Variants in WNK3 observed in about 807,000 individuals in gnomAD.
WNK3 encodes WNK lysine deficient protein kinase 3.
Under a neutral mutation model 116.7 loss-of-function variants are expected in WNK3, and 18 were observed. The ratio of observed to expected loss-of-function variants is 0.15; its 90% CI spans 0.11 to 0.23. The LOEUF (loss-of-function observed/expected upper bound fraction) is 0.23. Among genes scored for constraint, WNK3 ranks in the 10% least tolerant of loss-of-function variants. The probability of loss-of-function intolerance (pLI) is 1.00; values close to 1 mark genes in which losing one functional copy is unlikely to be tolerated. For missense variants in WNK3, 993 were observed against 1,323.8 expected, an observed-to-expected ratio of 0.75 and a Z score of 3.88; for synonymous variants, 404 against 469.4, an observed-to-expected ratio of 0.86 and a Z score of 1.80.
intron 21 of WNK3, among the ~76,000 whole-genome samples, chrX:54,232,083 GTGTC>G (rs1330949905): frequency 1.1e-3 from 120 of 104,351 alleles, no homozygotes; most frequent in African/African-American, 4.0e-3. Context: ...GTGTGTGTGT[GTGTC>G]TGTGTATATG....
At chrX:54,346,308 A>G (rs1415629902) in intron 1 of WNK3, among the ~76,000 whole-genome samples, 1 of 97,550 alleles carries the variant, frequency 1.0e-5, no homozygotes, top group Non-Finnish European at 2.1e-5. Flanking sequence ...AAAAAAGAAC[A>G]CAGGCTCGGT....
chrX:54,226,815 G>A (rs1281920481), intron 22 of WNK3, among the ~76,000 whole-genome samples: 5 of 111,991 alleles, frequency 4.5e-5, no homozygotes, highest in Non-Finnish European at 9.4e-5. Flanking sequence ...ACTCCAGCCT[G>A]GGCGACGGAG....
chrX:54,302,731 CTA>C (rs1211893014), intron 5 of WNK3, among the ~76,000 whole-genome samples: 2 of 35,535 alleles, frequency 5.6e-5, no homozygotes, highest in African/African-American at 2.1e-4. Flanking sequence ...CTCTCTCTCT[CTA>C]TATATATATA....
intron 10 of WNK3, among the ~76,000 whole-genome samples, chrX:54,285,442 C>CT (rs2068569454): frequency 8.9e-6 from 1 of 111,958 alleles, no homozygotes; most frequent in African/African-American, 3.2e-5. Flanking sequence ...GCGATTGACT[C>CT]TAACGGGTGT....
At chrX:54,244,760 C>T (rs1421270325) in intron 17 of WNK3, among the ~76,000 whole-genome samples, 3 of 111,296 alleles carry the variant, frequency 2.7e-5, no homozygotes, top group Non-Finnish European at 5.7e-5. Context: ...GATTATTCTC[C>T]TACCTGCTCC....
At chrX:54,216,993 T>C (rs1035372326) in intron 22 of WNK3, among the ~76,000 whole-genome samples, 5 of 111,476 alleles carry the variant, frequency 4.5e-5, no homozygotes, top group African/African-American at 1.3e-4. Context: ...CTGGACAACA[T>C]AGCAAGACCC....
intron 10 of WNK3, among the ~76,000 whole-genome samples, chrX:54,276,717 CTT>C (rs1365637484): frequency 8.1e-5 from 8 of 98,602 alleles, no homozygotes; most frequent in Non-Finnish European, 8.3e-5. Flanking sequence ...GGCAACATTC[CTT>C]TTTTTTTTTT....
intron 20 of WNK3, among the ~76,000 whole-genome samples, chrX:54,236,213 G>A (rs782087039): frequency 6.4e-4 from 71 of 110,840 alleles, no homozygotes; most frequent in African/African-American, 1.9e-3. Context: ...GGGCTTAAGC[G>A]ATTCTCCTGC....
intron 13 of WNK3, among the ~76,000 whole-genome samples, chrX:54,252,065 C>CAA (rs782229094): frequency 6.4e-4 from 19 of 29,874 alleles, no homozygotes; most frequent in South Asian, 4.0e-3. Flanking sequence ...AACTCTGTCT[C>CAA]AAAAAAAAAA....
intron 6 of WNK3, among the ~76,000 whole-genome samples, chrX:54,301,374 T>C (rs886653676): frequency 3.6e-5 from 4 of 111,181 alleles, no homozygotes; most frequent in Non-Finnish European, 7.5e-5. Context: ...ATTTCTTGAA[T>C]ACATATTTCT....
chrX:54,219,812 G>GT (rs1333058758), intron 22 of WNK3, among the ~76,000 whole-genome samples: 2 of 110,911 alleles, frequency 1.8e-5, no homozygotes, highest in African/African-American at 6.5e-5. Flanking sequence ...AAGAAAATGA[G>GT]TAACAGTTTT....
At chrX:54,326,816 C>A (rs1335937757) in intron 2 of WNK3, among the ~76,000 whole-genome samples, 1 of 111,213 alleles carries the variant, frequency 9.0e-6, no homozygotes, top group Non-Finnish European at 1.9e-5. Flanking sequence ...GAAACCCCGT[C>A]TCTACTAAAA....
intron 1 of WNK3, among the ~76,000 whole-genome samples, chrX:54,339,177 G>A (rs1452010516): frequency 2.7e-5 from 3 of 110,628 alleles, no homozygotes; most frequent in African/African-American, 9.9e-5. Context: ...TAACAACAGA[G>A]TCCCAAAATA....
chrX:54,214,475 C>G (rs1237760297), intron 22 of WNK3, among the ~76,000 whole-genome samples: 1 of 111,405 alleles, frequency 9.0e-6, no homozygotes, highest in African/African-American at 3.3e-5. Context: ...TTCTTGTATT[C>G]AAAAACAATA....
chrX:54,252,954 TAATAA>T (rs1167330898), intron 13 of WNK3, among the ~76,000 whole-genome samples: 3 of 108,377 alleles, frequency 2.8e-5, no homozygotes, highest in Non-Finnish European at 5.7e-5. Context: ...TAAAAAAAAA[TAATAA>T]AATAAGGGGG....
intron 10 of WNK3, among the ~76,000 whole-genome samples, chrX:54,277,781 G>A (rs2068467634): frequency 8.9e-6 from 1 of 111,829 alleles, no homozygotes; most frequent in South Asian, 3.7e-4. Flanking sequence ...CAAGGAACAT[G>A]TGAAAACTGA....
intron 5 of WNK3, among the ~76,000 whole-genome samples, chrX:54,307,004 C>T (rs941516422): frequency 9.2e-6 from 1 of 109,284 alleles, no homozygotes; most frequent in African/African-American, 3.3e-5. Flanking sequence ...CCGAGGTGGG[C>T]GAATCACAAG....
chrX:54,306,042 A>T (rs782246378), intron 5 of WNK3, among the ~76,000 whole-genome samples: 1 of 111,142 alleles, frequency 9.0e-6, no homozygotes, highest in East Asian at 2.8e-4. Context: ...ACGACAGGGC[A>T]AGACTCGGTC....
chrX:54,338,097 G>A (rs1225285578), intron 1 of WNK3, among the ~76,000 whole-genome samples: 1 of 110,662 alleles, frequency 9.0e-6, no homozygotes, highest in Non-Finnish European at 1.9e-5. Context: ...TCAGGTCCAT[G>A]GTGTTGGGAA....
Sources: allele counts gnomAD v4.1 joint callset (sites outside exome capture counted in the v4.1 genomes callset), GRCh38; gene constraint gnomAD v4.1.1; transcripts MANE v1.5; gene names NCBI Gene and HGNC (gene_info 2026-07-23, HGNC 2026-07-21).